The following P3H2 variants were observed in gnomAD, a reference collection of about 807,000 sequenced individuals.
P3H2 encodes prolyl 3-hydroxylase 2, also known as leprecan-like 1.
Under a neutral mutation model 87.0 loss-of-function variants are expected in P3H2, and 80 were observed. The ratio of observed to expected loss-of-function variants is 0.92; its 90% confidence interval spans 0.77 to 1.11. The LOEUF is 1.11. P3H2 is among the 50% of genes least tolerant of loss of function. The pLI is 0.00. For synonymous variants in P3H2, 367 were observed against 359.3 expected, an observed-to-expected ratio of 1.02 and a Z score of -0.24; for missense variants, 1,001 against 923.9, an observed-to-expected ratio of 1.08 and a Z score of -1.08.
Position 190,120,702 on chromosome 3 carries a change from C to T in P3H2, c.30G>A (p.Leu10=), listed in dbSNP as rs1296257985. 1.3e-6 allele frequency: 2 copies of T among 1,520,414 alleles called. No individual in the cohort carries two copies. Among genetic ancestry groups the T allele is most frequent in the Non-Finnish European group, 1.8e-6 (2 of 1,141,170 alleles). The allele number at this position is 1,520,414 out of a possible 1,614,324, so 94.2% of individuals were successfully genotyped here. Residue 10 remains leucine (L), a synonymous_variant, in exon 1 of 15, where the codon CTG becomes CTA. Coordinates refer to ENST00000319332, the MANE Select transcript of P3H2 (RefSeq NM_018192.4). Reference sequence around the variant, plus strand: ...GCAGTAGCAGCGGCAGCAGCAGCAGCAGCGGCGGCGCCCAGATGCGCTCCC... The same window carrying T: ...GCAGTAGCAGCGGCAGCAGCAGCAGTAGCGGCGGCGCCCAGATGCGCTCCC... The part of the protein sequence containing the change: MRERIWAPP[L]LLLLPLLLPP...
chr3:189,957,500 G>T lies in P3H2; in HGVS notation c.*412C>A, dbSNP rs1175928058. 2 of 387,568 alleles carry T rather than the reference G, an allele frequency of 5.2e-6. No individual in the cohort carries two copies. Among genetic ancestry groups the T allele is most frequent in the East Asian group, 4.6e-5 (1 of 21,576 alleles). The allele number at this position is 387,568 out of a possible 1,614,324, so 24.0% of individuals were successfully genotyped here. ...GTGTGTTTGGGGGAGGAGGTGAACT[G>T]GGCTTTGATAGATACATGAAATGAT... On this transcript the variant is annotated 3_prime_UTR_variant, in exon 15 of 15. Coordinates refer to ENST00000319332, the MANE Select transcript of P3H2 (RefSeq NM_018192.4).
rs1455363054 is a variant in P3H2, at chr3:189,957,866, G to A, written c.*46C>T. 2 of 1,332,946 alleles carry A rather than the reference G, an allele frequency of 1.5e-6. No homozygotes were observed. Among genetic ancestry groups the A allele is most frequent in the East Asian group, 2.3e-5 (1 of 42,948 alleles). 82.6% of individuals were successfully genotyped at this position (1,332,946 alleles called of 1,614,324 possible). Reference sequence around the variant, plus strand: ...TACAAAAATAAAAAGGTTCTCATAAGATTAACAATTTAAATAAATATTTGA... The same window carrying A: ...TACAAAAATAAAAAGGTTCTCATAAAATTAACAATTTAAATAAATATTTGA... On this transcript the variant is annotated 3_prime_UTR_variant, in exon 15 of 15. Coordinates refer to ENST00000319332, the MANE Select transcript of P3H2 (RefSeq NM_018192.4).
Position 189,987,239 on chromosome 3 carries a change from A to C in P3H2, c.1098+288T>G, listed in dbSNP as rs2594177. On this transcript the variant is annotated intron_variant, in intron 5 of 14. Coordinates refer to ENST00000319332, the MANE Select transcript of P3H2 (RefSeq NM_018192.4). ...CCTGTAATCCCAGCACTTTGGGAGG[A>C]CGAGGCGGGCAGATCACCTGAGGTC... Among the ~76,000 whole-genome samples the C allele has an allele frequency of 0.78, 118,247 of 151,984 alleles. 46,320 individuals are homozygous for C. Among genetic ancestry groups the C allele is most frequent in the East Asian group, 0.92 (4,765 of 5,156 alleles).
intron 1 of P3H2, among the ~76,000 whole-genome samples, chr3:190,023,044 T>C (rs1427095113): frequency 6.6e-6 from 1 of 152,050 alleles, no homozygotes; most frequent in Non-Finnish European, 1.5e-5. Context: ...GCCAGGATGG[T>C]CTCGATCTCC....
rs1254519010 is a variant in P3H2 at position 189,957,231 on chromosome 3, A to G, written c.*681T>C. 1 of 399,236 alleles carries G rather than the reference A, an allele frequency of 2.5e-6. No individual in the cohort carries two copies. The highest frequency in any genetic ancestry group is 2.1e-5 in the African/African-American group (1 of 48,606). 24.7% of individuals were successfully genotyped at this position (399,236 alleles called of 1,614,324 possible). A position where few individuals can be genotyped will look rare whatever the true frequency, so the allele number is the denominator to read the frequency against. On this transcript the variant is annotated 3_prime_UTR_variant, in exon 15 of 15. Coordinates refer to ENST00000319332, the MANE Select transcript of P3H2 (RefSeq NM_018192.4). ...TACCTGAGGCAGCGTGGACTCTGCC[A>G]GGGGCTCCTCAGACCCAAAGTGGAG...
intron 1 of P3H2, among the ~76,000 whole-genome samples, chr3:190,073,011 C>T (rs1463408058): frequency 6.6e-6 from 1 of 152,184 alleles, no homozygotes; most frequent in African/African-American, 2.4e-5. Flanking sequence ...TCTCCTGTAC[C>T]ATTTTAACTG....
rs2108919222 is a variant in P3H2 at position 189,987,639 on chromosome 3, G to A, written c.986C>T (p.Ala329Val). ...VGEYVKALEC[A>V]KAYLLCHPDD... Reference sequence around the variant, plus strand: ...TGGATGGCATAGAAGATAGGCTTTGGCACACTCCAGGGCTTTCACATACTC... The same window carrying A: ...TGGATGGCATAGAAGATAGGCTTTGACACACTCCAGGGCTTTCACATACTC... Residue 329 changes from alanine (A) to valine (V), a missense_variant, in exon 5 of 15, where the codon GCC (alanine) becomes GTC (valine). By Grantham distance (64) the Ala-to-Val change is moderately conservative (BLOSUM62 0). Transcript: ENST00000319332. 2 of 1,614,124 alleles carry A rather than the reference G, an allele frequency of 1.2e-6. No homozygotes were observed. Among genetic ancestry groups the A allele is most frequent in the East Asian group, 4.5e-5 (2 of 44,878 alleles).
intron 1 of P3H2, among the ~76,000 whole-genome samples, chr3:189,998,060 G>T (rs978077548): frequency 6.6e-6 from 1 of 152,306 alleles, no homozygotes; most frequent in African/African-American, 2.4e-5. Flanking sequence ...AATGTGTTCA[G>T]CAGTCACTAG....
chr3:190,058,409 C>A (rs1488176559), intron 1 of P3H2, among the ~76,000 whole-genome samples: 2 of 151,986 alleles, frequency 1.3e-5, no homozygotes, highest in Non-Finnish European at 2.9e-5. Context: ...TAAAACAAGG[C>A]GAAAACTACG....
intron 1 of P3H2, among the ~76,000 whole-genome samples, chr3:190,062,981 T>G (rs1342274091): frequency 6.6e-6 from 1 of 152,160 alleles, no homozygotes; most frequent in East Asian, 1.9e-4. Context: ...TAATTTTGTT[T>G]AAGATTAGCT....
intron 1 of P3H2, among the ~76,000 whole-genome samples, chr3:190,016,617 A>T (rs1724762222): frequency 6.6e-6 from 1 of 152,180 alleles, no homozygotes; most frequent in Non-Finnish European, 1.5e-5. Flanking sequence ...TGGTTAGAAA[A>T]AATAATAATA....
chr3:190,066,087 T>C (rs1263468316), intron 1 of P3H2, among the ~76,000 whole-genome samples: 7 of 151,290 alleles, frequency 4.6e-5, no homozygotes, highest in Admixed American at 4.6e-4. Flanking sequence ...ATAATTTCAA[T>C]GTGGAACAGA....
chr3:190,047,806 A>T (rs540742623), intron 1 of P3H2, among the ~76,000 whole-genome samples: 1 of 152,306 alleles, frequency 6.6e-6, no homozygotes, highest in Non-Finnish European at 1.5e-5. Context: ...ATGAAGAGGC[A>T]TTGGTTAATG....
intron 1 of P3H2, among the ~76,000 whole-genome samples, chr3:190,090,555 T>C (rs1405645910): frequency 1.3e-5 from 2 of 152,008 alleles, no homozygotes; most frequent in Non-Finnish European, 2.9e-5. Context: ...TACAAAAAAT[T>C]AGCTGGGCAT....
At chr3:189,995,569 T>TTA in intron 1 of P3H2, 127 bp from the exon 2 acceptor site, 1 of 1,013,126 alleles carries the variant, frequency 9.9e-7, no homozygotes, top group East Asian at 2.6e-5. Context: ...TTTTTTTTTT[T>TTA]TATCAGACAG....
At chr3:190,101,525 G>A (rs1711628446) in intron 1 of P3H2, among the ~76,000 whole-genome samples, 1 of 151,912 alleles carries the variant, frequency 6.6e-6, no homozygotes, top group African/African-American at 2.4e-5. Flanking sequence ...CATTCCTTAA[G>A]ACCAAAGCAT....
intron 14 of P3H2, chr3:189,963,742 C>G (rs1240984979): frequency 3.4e-6 from 2 of 582,032 alleles, no homozygotes; most frequent in Non-Finnish European, 6.1e-6. Context: ...CCACGCCCAG[C>G]CTTACAATTT....
rs1468385169 is a variant in P3H2, at chr3:190,120,420, G to A, written c.312C>T (p.Gly104=). 5.4e-6 allele frequency: 8 copies of A among 1,478,410 alleles called. No homozygotes were observed. Among genetic ancestry groups the A allele is most frequent in the Non-Finnish European group, 7.1e-6 (8 of 1,122,408 alleles). The allele number at this position is 1,478,410 out of a possible 1,614,324, so 91.6% of individuals were successfully genotyped here. ...AGGAGCGGAAAAGGGGCAGCTCAGC[G>A]CCGGGGCCCTCGCCGGGGGGCGGGG... is the stretch of plus-strand genomic sequence containing the variant. The part of the protein sequence containing the change: ...LPPPPPGEGP[G]AELPLFRSLL... The change falls in exon 1 of 15, where the codon GGC becomes GGT. Residue 104 remains glycine (G), a synonymous_variant. Coordinates refer to ENST00000319332, the MANE Select transcript of P3H2 (RefSeq NM_018192.4).
intron 1 of P3H2, among the ~76,000 whole-genome samples, chr3:190,032,104 G>C (rs1725272012): frequency 6.6e-6 from 1 of 152,176 alleles, no homozygotes; most frequent in Admixed American, 6.5e-5. Flanking sequence ...CTCCAGAAAT[G>C]CATGTCCAAC....
Sources: gnomAD v4.1 joint callset for allele counts (sites outside exome capture counted in the v4.1 genomes callset) on GRCh38, gnomAD v4.1.1 for gene constraint, MANE v1.5 for transcripts, NCBI Gene and HGNC (gene_info 2026-07-23, HGNC 2026-07-21) for gene names.